The following TOX3 variants were observed in gnomAD, a reference collection of about 807,000 sequenced individuals.
TOX3 encodes TOX high mobility group box family member 3, also known as CAG trinucleotide repeat-containing gene F9 protein.
TOX3 carries 22 observed loss-of-function variants against 64.3 expected under a neutral mutation model. The observed-to-expected ratio is 0.34, with a 90% CI of 0.24 to 0.49. The LOEUF is 0.49. Ranked by LOEUF, TOX3 falls within the 20% of genes least tolerant of loss-of-function variation. TOX3 has a pLI of 0.99. For synonymous variants in TOX3, 291 were observed against 273.6 expected (o/e 1.06, Z -0.63); for missense variants, 661 against 714.4 (o/e 0.93, Z 0.85).
chr16:52,510,592 C>T (rs1243486891), intron 1 of TOX3, among the ~76,000 whole-genome samples: 1 of 151,740 alleles, frequency 6.6e-6, no homozygotes, highest in Non-Finnish European at 1.5e-5. Context: ...CCCATCTCTA[C>T]TAAAAATACA....
intron 1 of TOX3, among the ~76,000 whole-genome samples, chr16:52,525,731 C>T (rs978681649): frequency 2.6e-5 from 4 of 152,154 alleles, no homozygotes; most frequent in Non-Finnish European, 5.9e-5. Context: ...AACATTTTCC[C>T]ATATTTTGTC....
At chr16:52,529,454 A>T (rs1344891954) in intron 1 of TOX3, among the ~76,000 whole-genome samples, 2 of 152,248 alleles carry the variant, frequency 1.3e-5, no homozygotes, top group Non-Finnish European at 2.9e-5. Flanking sequence ...AAGTGCTTTA[A>T]GTATTTATTC....
intron 1 of TOX3, among the ~76,000 whole-genome samples, chr16:52,472,687 G>A (rs1241030842): frequency 2.0e-5 from 3 of 152,054 alleles, no homozygotes; most frequent in African/African-American, 7.2e-5. Context: ...TGAATATCAG[G>A]TAAAGTAGTT....
intron 1 of TOX3, among the ~76,000 whole-genome samples, chr16:52,497,874 A>G (rs1961890315): frequency 1.3e-5 from 2 of 152,216 alleles, no homozygotes; most frequent in Non-Finnish European, 2.9e-5. Flanking sequence ...CCGCAAAGAT[A>G]TAAAGAAAAA....
chr16:52,514,998 C>A (rs12922895), intron 1 of TOX3, among the ~76,000 whole-genome samples: 1 of 106,474 alleles, frequency 9.4e-6, no homozygotes, highest in Admixed American at 1.5e-4. Flanking sequence ...GACCACAGAG[C>A]GAGACTCCAT....
At chr16:52,474,715 C>T (rs182464714) in intron 1 of TOX3, among the ~76,000 whole-genome samples, 12 of 151,050 alleles carry the variant, frequency 7.9e-5, no homozygotes, top group Middle Eastern at 6.8e-3. Flanking sequence ...AAGTAAGAGA[C>T]GGAGGGAAGG....
chr16:52,448,563 A>G (rs1455445610), intron 4 of TOX3, among the ~76,000 whole-genome samples: 1 of 152,100 alleles, frequency 6.6e-6, no homozygotes, highest in Non-Finnish European at 1.5e-5. Context: ...CCTGGGCCCA[A>G]TGGGGGTGCT....
chr16:52,503,838 A>G (rs1962075494), intron 1 of TOX3, among the ~76,000 whole-genome samples: 1 of 152,154 alleles, frequency 6.6e-6, no homozygotes. Context: ...TAATACTTCC[A>G]AGAATAAATG....
intron 3 of TOX3, among the ~76,000 whole-genome samples, chr16:52,455,332 G>A (rs1367326471): frequency 6.6e-6 from 1 of 151,928 alleles, no homozygotes; most frequent in East Asian, 1.9e-4. Context: ...AGAATATTTA[G>A]CAGCATCTCT....
rs530889698 is a variant in TOX3 at position 52,486,828 on chromosome 16, C to G, written c.88-18254G>C. Among the ~76,000 whole-genome samples, 25 of 152,144 alleles carry G rather than the reference C, an allele frequency of 1.6e-4. No individual in the cohort carries two copies. The South Asian group carries it at 5.0e-3, about 30-fold the overall frequency. On this transcript the variant is annotated intron_variant, in intron 1 of 6. Coordinates refer to ENST00000219746, the MANE Select transcript of TOX3 (RefSeq NM_001080430.4). ...GTGCGCGCCTGTAGTCCCAGCTACT[C>G]TGGAGGCTGAGACGGGGGTATCACT...
At chr16:52,453,429 C>T (rs1470706112) in intron 3 of TOX3, among the ~76,000 whole-genome samples, 1 of 152,142 alleles carries the variant, frequency 6.6e-6, no homozygotes, top group Non-Finnish European at 1.5e-5. Flanking sequence ...AGTGATCTGC[C>T]AGCCTCGGCC....
intron 1 of TOX3, among the ~76,000 whole-genome samples, chr16:52,533,692 A>C (rs1368293281): frequency 6.6e-6 from 1 of 152,248 alleles, no homozygotes; most frequent in Non-Finnish European, 1.5e-5. Context: ...AAAGAGGTAA[A>C]TAAAAATATG....
At chr16:52,452,513 G>C (rs1960382706) in intron 3 of TOX3, among the ~76,000 whole-genome samples, 1 of 150,448 alleles carries the variant, frequency 6.6e-6, no homozygotes. Flanking sequence ...TTGGTTCCAA[G>C]TCTTTGCTAT....
At chr16:52,474,841 G>GCTTACCCTTGCCTTA (rs1274118421) in intron 1 of TOX3, among the ~76,000 whole-genome samples, 1 of 152,034 alleles carries the variant, frequency 6.6e-6, no homozygotes, top group Non-Finnish European at 1.5e-5. Context: ...CAAGGGAGAT[G>GCTTACCCTTGCCTTA]CCCAATCCTT....
At chr16:52,446,568 A>G in intron 4 of TOX3, among the ~76,000 whole-genome samples, 1 of 152,228 alleles carries the variant, frequency 6.6e-6, no homozygotes, top group East Asian at 1.9e-4. Flanking sequence ...ATATCTTCAG[A>G]GGTTTTAGAA....
chr16:52,492,227 A>G (rs1033043972), intron 1 of TOX3, among the ~76,000 whole-genome samples: 2 of 147,148 alleles, frequency 1.4e-5, no homozygotes, highest in Non-Finnish European at 3.0e-5. Context: ...TATATTATAT[A>G]TTATATATAT....
At chr16:52,535,041 C>T (rs969526957) in intron 1 of TOX3, among the ~76,000 whole-genome samples, 3 of 152,144 alleles carry the variant, frequency 2.0e-5, no homozygotes, top group Admixed American at 1.3e-4. Flanking sequence ...AATCTTATTA[C>T]AGTGTGTCTC....
At chr16:52,467,117 T>G (rs560345559) in intron 2 of TOX3, among the ~76,000 whole-genome samples, 59 of 152,292 alleles carry the variant, frequency 3.9e-4, no homozygotes, top group Non-Finnish European at 7.8e-4. Context: ...TTCCTTTTGA[T>G]AAAAATGCAA....
chr16:52,474,423 T>A (rs1184839380), intron 1 of TOX3, among the ~76,000 whole-genome samples: 3 of 151,790 alleles, frequency 2.0e-5, no homozygotes, highest in Non-Finnish European at 4.4e-5. Context: ...AAAATCTAAG[T>A]TTAGCCTGGG....
Sources: allele counts gnomAD v4.1 joint callset (sites outside exome capture counted in the v4.1 genomes callset), GRCh38; gene constraint gnomAD v4.1.1; transcripts MANE v1.5; gene names NCBI Gene and HGNC (gene_info 2026-07-23, HGNC 2026-07-21).